REPS1: variants seen among roughly 807,000 people sequenced by gnomAD.
The protein encoded by REPS1 is ralBP1-associated Eps domain-containing protein 1.
In REPS1, 39 loss-of-function variants were observed where a neutral mutation model predicts 100.9. The observed-to-expected ratio is 0.39, with a 90% confidence interval of 0.30 to 0.50. The LOEUF (loss-of-function observed/expected upper bound fraction) is 0.50, where lower values mean the gene tolerates loss of function less well. Among genes scored for constraint, REPS1 ranks in the 20% least tolerant of loss-of-function variants. REPS1 has a pLI of 0.86. For missense variants in REPS1, 821 were observed against 968.5 expected (o/e 0.85, Z 2.02); for synonymous variants, 324 against 340.3 (o/e 0.95, Z 0.53).
chr6:138,916,207 TTTCTTTTTTTC>T, intron 13 of REPS1: 1 of 380,198 alleles, frequency 2.6e-6, no homozygotes, highest in African/African-American at 2.3e-5. Flanking sequence ...TTAAGCAAAA[TTTCTTTTTTTC>T]TTTTTTTTTT....
chr6:138,920,936 C>T, intron 11 of REPS1, 101 bp downstream of exon 11: 1 of 807,780 alleles, frequency 1.2e-6, no homozygotes, highest in Non-Finnish European at 2.1e-6. Context: ...AAAGTACTAG[C>T]TTAAAAAATA....
At chr6:138,908,525 C>T in intron 18 of REPS1, 143 bp downstream of exon 18, 2 of 835,928 alleles carry the variant, frequency 2.4e-6, no homozygotes, top group South Asian at 3.0e-5. Context: ...TAACTCCTGA[C>T]CACAAATGAT....
At chr6:138,907,258 C>T in intron 19 of REPS1, 2 of 318,832 alleles carry the variant, frequency 6.3e-6, no homozygotes, top group South Asian at 5.4e-5. Flanking sequence ...ATAGCTTGAG[C>T]CCAGGTTGCC....
At chr6:138,943,640 A>G in intron 6 of REPS1, 64 bp from the exon 7 acceptor site, 1 of 1,273,976 alleles carries the variant, frequency 7.8e-7, no homozygotes, top group South Asian at 1.3e-5. Flanking sequence ...AACAGAATGT[A>G]AGAGTCTTAG....
At chr6:138,974,360 G>A (rs1431799742) in intron 1 of REPS1, among the ~76,000 whole-genome samples, 2 of 152,136 alleles carry the variant, frequency 1.3e-5, no homozygotes, top group African/African-American at 4.8e-5. Context: ...GAGATCCTGT[G>A]TTACATGAGA....
At chr6:138,951,149 T>TA (rs984962021) in intron 1 of REPS1, 2 of 151,690 alleles carry the variant, frequency 1.3e-5, no homozygotes, top group African/African-American at 4.9e-5. Context: ...GATCATGCCA[T>TA]AGCACTCCAG....
chr6:138,952,834 G>GT (rs532512918), intron 1 of REPS1, among the ~76,000 whole-genome samples: 1,659 of 141,054 alleles, frequency 0.012, 9 homozygotes, highest in African/African-American at 0.019. Context: ...TTTTGTTTTT[G>GT]TTTTTTTTTT....
At chr6:138,963,628 T>C (rs1783860075) in intron 1 of REPS1, among the ~76,000 whole-genome samples, 1 of 152,170 alleles carries the variant, frequency 6.6e-6, no homozygotes, top group Admixed American at 6.5e-5. Flanking sequence ...TTACACACAA[T>C]CCATGCACAC....
chr6:138,927,707 T>C (rs1781225447), intron 9 of REPS1: 1 of 152,204 alleles, frequency 6.6e-6, no homozygotes, highest in Non-Finnish European at 1.5e-5. Flanking sequence ...CGACTTTTCC[T>C]ACAGATTAGT....
At chr6:138,949,622 G>T (rs1184322036) in intron 1 of REPS1, among the ~76,000 whole-genome samples, 1 of 151,956 alleles carries the variant, frequency 6.6e-6, no homozygotes, top group East Asian at 1.9e-4. Context: ...AGTACTCGGG[G>T]GGCTGAGGTG....
chr6:138,951,115 G>C (rs1782999009), intron 1 of REPS1: 2 of 152,022 alleles, frequency 1.3e-5, no homozygotes, highest in South Asian at 4.2e-4. Flanking sequence ...TGAACCCGGG[G>C]GGGCAGAGGT....
chr6:138,955,457 AGT>A (rs1554294151), intron 1 of REPS1, among the ~76,000 whole-genome samples: 1,470 of 90,658 alleles, frequency 0.016, 57 homozygotes, highest in East Asian at 0.088. Context: ...AAAAAAAAAA[AGT>A]GTGTGTGTGT....
chr6:138,947,043 T>G (rs1195446155), intron 2 of REPS1, among the ~76,000 whole-genome samples: 5 of 46,974 alleles, frequency 1.1e-4, no homozygotes, highest in Non-Finnish European at 2.8e-4. Context: ...TTGCTCTCTC[T>G]CTCTCTCTCT....
At position 138,987,907 on chromosome 6, in the gene REPS1, CGCGGCT is replaced by C. The variant is rs970425740; in HGVS notation, c.-231_-226del. 5 of 399,866 alleles carry C rather than the reference CGCGGCT, an allele frequency of 1.3e-5. No individual in the cohort carries two copies. The highest frequency in any genetic ancestry group is 4.0e-5 in the East Asian group (1 of 24,694). The allele number at this position is 399,866 out of a possible 1,614,324, so 24.8% of individuals were successfully genotyped here. Reference sequence around the variant, plus strand: ...GCGCCGCTGCCTGCGAGGCCCGGCGCGCGGCTGCGGCTGCGGCTGCGACTACGGCTC... The same window carrying C: ...GCGCCGCTGCCTGCGAGGCCCGGCGCGCGGCTGCGGCTGCGACTACGGCTC... On this transcript the variant is annotated 5_prime_UTR_variant, in exon 1 of 20. Coordinates refer to ENST00000450536, the MANE Select transcript of REPS1 (RefSeq NM_001286611.2).
intron 1 of REPS1, among the ~76,000 whole-genome samples, chr6:138,968,259 T>A (rs1284598230): frequency 6.6e-6 from 1 of 152,206 alleles, no homozygotes; most frequent in Non-Finnish European, 1.5e-5. Flanking sequence ...CATCAAGGAT[T>A]TTAAGCTGAC....
intron 1 of REPS1, among the ~76,000 whole-genome samples, chr6:138,949,597 G>C (rs374825496): frequency 5.3e-5 from 8 of 151,956 alleles, no homozygotes; most frequent in Non-Finnish European, 1.2e-4. Flanking sequence ...GTGGTGGTGC[G>C]CACTGGTAAT....
chr6:138,962,037 A>G (rs1333063971), intron 1 of REPS1, among the ~76,000 whole-genome samples: 3 of 152,234 alleles, frequency 2.0e-5, no homozygotes, highest in Admixed American at 6.5e-5. Flanking sequence ...TTTCTATAAT[A>G]TATTCCCATT....
At chr6:138,972,683 TAAA>T (rs11330627) in intron 1 of REPS1, among the ~76,000 whole-genome samples, 10 of 133,030 alleles carry the variant, frequency 7.5e-5, no homozygotes, top group Admixed American at 7.8e-5. Flanking sequence ...ACAATACCAC[TAAA>T]AAAAAAAAAA....
intron 1 of REPS1, among the ~76,000 whole-genome samples, chr6:138,976,211 T>C (rs1469270825): frequency 6.6e-6 from 1 of 152,134 alleles, no homozygotes; most frequent in Non-Finnish European, 1.5e-5. Flanking sequence ...TTCCAGACAA[T>C]GATTTCTTGT....
Sources: allele counts gnomAD v4.1 joint callset (sites outside exome capture counted in the v4.1 genomes callset), GRCh38; gene constraint gnomAD v4.1.1; transcripts MANE v1.5; gene names NCBI Gene and HGNC (gene_info 2026-07-23, HGNC 2026-07-21).